The following FBN3 variants were observed in gnomAD, a reference collection of about 807,000 sequenced individuals.
FBN3 encodes the protein fibrillin-3.
Under a neutral mutation model 330.1 loss-of-function variants are expected in FBN3, and 234 were observed. That is an observed-to-expected ratio of 0.71 (90% CI 0.64 to 0.79). The LOEUF is 0.79. FBN3 is among the 30% of genes least tolerant of loss of function. The pLI is 0.00. For synonymous variants in FBN3, 1,458 were observed against 1,517.3 expected (o/e 0.96, Z 0.91); for missense variants, 3,606 against 3,886.9 (o/e 0.93, Z 1.92).
At position 8,087,191 on chromosome 19, in the gene FBN3, C is replaced by A. The variant is rs777815122; in HGVS notation, c.6640G>T (p.Gly2214Cys). 3 of 1,601,740 alleles carry A rather than the reference C, an allele frequency of 1.9e-6. No homozygotes were observed. In the African/African-American group the frequency reaches 4.0e-5, roughly 21 times the overall value. Residue 2214 changes from glycine (G) to cysteine (C), a missense_variant, in exon 54 of 64, where the codon GGT becomes TGT. Coordinates refer to ENST00000600128, the MANE Select transcript of FBN3 (RefSeq NM_032447.5). ...CCCCGGGCGTGGCAGTCCTGCTGACCATCTGCACACTCGTCCACATCTTCG... is the reference window on the plus strand; with the variant it reads ...CCCCGGGCGTGGCAGTCCTGCTGACAATCTGCACACTCGTCCACATCTTCG... Reference protein sequence around the residue: ...MCRDVDECADGQQDCHARGME... With the variant: ...MCRDVDECADCQQDCHARGME...
chr19:8,111,597 C>T (rs368022325), intron 32 of FBN3, 51 bp downstream of exon 32: 64 of 1,397,954 alleles, frequency 4.6e-5, no homozygotes, highest in Non-Finnish European at 6.3e-5. Flanking sequence ...TGAATTCAGC[C>T]CCCGTGGCTG....
At chr19:8,081,990 G>T (rs544775817) in intron 57 of FBN3, among the ~76,000 whole-genome samples, 1 of 150,960 alleles carries the variant, frequency 6.6e-6, no homozygotes, top group East Asian at 2.0e-4. Context: ...TTGAGACGGA[G>T]TCTCGTTTCA....
At chr19:8,092,707 C>CAA (rs33973797) in intron 47 of FBN3, among the ~76,000 whole-genome samples, 17 of 70,158 alleles carry the variant, frequency 2.4e-4, no homozygotes, top group South Asian at 1.9e-3. Flanking sequence ...GAGACTCCAC[C>CAA]AAAAAAAAAA....
In FBN3 at chr19:8,089,630, G is replaced by A. The variant is rs149893915; in HGVS notation, c.6291C>T (p.Asn2097=). 1.5e-4 allele frequency: 247 copies of A among 1,614,190 alleles called. 2 individuals carry two copies. The African/African-American group carries it at 2.7e-3, about 18-fold the overall frequency. Residue 2097 remains asparagine, a synonymous_variant, in exon 51 of 64, where the codon AAC becomes AAT. Transcript: ENST00000600128. The part of the protein sequence containing the change: ...ECAENPGVCT[N]GVCVNTDGSF... ...ATCCATCGGTGTTGACACAGACGCC[G>A]TTAGTGCAGACGCCAGGGTTCTCTG...
Position 8,125,993 on chromosome 19 carries a change from G to T in FBN3, c.2630C>A (p.Pro877Gln). 1 of 1,613,902 alleles carries T rather than the reference G, an allele frequency of 6.2e-7. No individual in the cohort carries two copies. The highest frequency in any genetic ancestry group is 8.5e-7 in the Non-Finnish European group (1 of 1,179,984). Residue 877 changes from proline to glutamine, a missense_variant, in exon 22 of 64, where the codon CCG becomes CAG. By Grantham distance (76) the Pro-to-Gln change is moderately conservative (BLOSUM62 -1). Transcript: ENST00000600128. ...CDDVNECESF[P>Q]GVCPNGRCVN... ...GCAACGCCCGTTGGGACAGACTCCC[G>T]GGAAGGACTCACACTCGTTCACATC...
intron 38 of FBN3, among the ~76,000 whole-genome samples, 161 bp from the exon 39 acceptor site, chr19:8,103,848 T>A (rs1189933813): frequency 6.6e-6 from 1 of 152,076 alleles, no homozygotes; most frequent in Non-Finnish European, 1.5e-5. Flanking sequence ...AAGAAAGCTA[T>A]AATATGGGCT....
At chr19:8,106,293 C>G in intron 37 of FBN3, 60 bp from the exon 38 acceptor site, 1 of 1,592,534 alleles carries the variant, frequency 6.3e-7, no homozygotes, top group Non-Finnish European at 8.6e-7. Flanking sequence ...ACTTAAGGGG[C>G]ACCCACACCA....
chr19:8,122,954 C>T (rs113239052), intron 24 of FBN3, among the ~76,000 whole-genome samples: 61,364 of 151,406 alleles, frequency 0.41, 13,918 homozygotes, highest in African/African-American at 0.61. Flanking sequence ...TGAGCCACCG[C>T]GCCCAGCCCA....
intron 25 of FBN3, among the ~76,000 whole-genome samples, chr19:8,120,661 G>A (rs1376706277): frequency 6.6e-6 from 1 of 152,034 alleles, no homozygotes; most frequent in African/African-American, 2.4e-5. Context: ...AAACTTTATA[G>A]TGACAGGGTC....
intron 16 of FBN3, among the ~76,000 whole-genome samples, chr19:8,130,540 GAGAA>G (rs1305668484): frequency 2.3e-5 from 2 of 87,596 alleles, no homozygotes; most frequent in Non-Finnish European, 4.2e-5. Context: ...AGAAAAGAAA[GAGAA>G]AGAAAGAGAG....
chr19:8,103,953 T>C (rs1023274673), intron 38 of FBN3, among the ~76,000 whole-genome samples: 12 of 151,298 alleles, frequency 7.9e-5, no homozygotes, highest in African/African-American at 2.7e-4. Flanking sequence ...CTGGGCAACA[T>C]AGCAAGACCC....
intron 40 of FBN3, among the ~76,000 whole-genome samples, chr19:8,102,283 C>T (rs754126211): frequency 1.3e-4 from 19 of 151,578 alleles, no homozygotes; most frequent in Non-Finnish European, 1.9e-4. Flanking sequence ...GGCATGATCG[C>T]GGCTCACTGG....
Position 8,131,633 on chromosome 19 carries a change from G to A in FBN3, c.1911C>T (p.Val637=), listed in dbSNP as rs1190890599. 2 of 1,614,226 alleles carry A rather than the reference G, an allele frequency of 1.2e-6. No individual in the cohort carries two copies. The highest frequency in any genetic ancestry group is 1.1e-5 in the South Asian group (1 of 91,080). ...GSCARPFPGT[V]TKSECCCANP... is the part of the protein sequence containing the mutation. Reference sequence around the variant, plus strand: ...TGGCACAGCAGCACTCGGACTTGGTGACAGTGCCAGGGAAGGGGCGGGCAC... The same window carrying A: ...TGGCACAGCAGCACTCGGACTTGGTAACAGTGCCAGGGAAGGGGCGGGCAC... Residue 637 remains valine, a synonymous_variant, in exon 15 of 64, where the codon GTC becomes GTT. Coordinates refer to ENST00000600128, the MANE Select transcript of FBN3 (RefSeq NM_032447.5). This position sits in a 1 kb window ranked among gnomAD's most constrained non-coding sequence, Gnocchi z 4.5.
rs774079397 is a variant in FBN3 at position 8,085,586 on chromosome 19, GA to G, written c.6881-18del. On this transcript the variant is annotated intron_variant, in intron 55 of 63. Transcript: ENST00000600128. The stretch of plus-strand genomic sequence containing the variant: ...GCCGGATGTCTGCAGAGAACAATGG[GA>G]AAGACAACGGTCACTCCAGGAGGCT... 2.0e-6 allele frequency: 3 copies of G among 1,521,634 alleles called. No individual in the cohort carries two copies. The highest frequency in any genetic ancestry group is 2.4e-5 in the East Asian group (1 of 41,478). The allele number at this position is 1,521,634 out of a possible 1,614,324, so 94.3% of individuals were successfully genotyped here. A position where few individuals can be genotyped will look rare whatever the true frequency, so the allele number is the denominator to read the frequency against.
At chr19:8,093,474 A>AAT (rs536945205) in intron 47 of FBN3, among the ~76,000 whole-genome samples, 2,841 of 151,652 alleles carry the variant, frequency 0.019, 41 homozygotes, top group Non-Finnish European at 0.03. Context: ...ATACAAAAAA[A>AAT]TAGCCGGGCA....
rs765549023 is a variant in FBN3 at position 8,126,529 on chromosome 19, C to T, written c.2493G>A (p.Arg831=). The part of the protein sequence containing the change: ...CEVNLQGASL[R]SECCATLGAA... ...CCCCGAGGGTGGCGCAGCACTCAGA[C>T]CGCAGGCTGGCTCCCTGAAGGTTCA... Residue 831 remains arginine, a synonymous_variant, in exon 20 of 64, where the codon CGG becomes CGA. Transcript: ENST00000600128. 3 of 1,613,106 alleles carry T rather than the reference C, an allele frequency of 1.9e-6. No homozygotes were observed. The African/African-American group carries it at 4.0e-5, about 22-fold the overall frequency.
chr19:8,075,346 C>T lies in FBN3; in HGVS notation c.7519G>A (p.Gly2507Ser), dbSNP rs1461425343. The change falls in exon 60 of 64, where the codon GGC becomes AGC. Residue 2507 changes from glycine to serine, a missense_variant. Gly to Ser is a moderately conservative substitution (Grantham distance 56). Coordinates refer to ENST00000600128, the MANE Select transcript of FBN3 (RefSeq NM_032447.5). The stretch of plus-strand genomic sequence containing the variant: ...TGGTGGCATTCACAGCGGAAGCTGC[C>T]CGGGGTGTTGTGGCAGTGCCCGTGG... The part of the protein sequence containing the change: ...GAHGHCHNTP[G>S]SFRCECHQGF... 6 of 1,614,080 alleles carry T rather than the reference C, an allele frequency of 3.7e-6. No homozygotes were observed. The highest frequency in any genetic ancestry group is 5.1e-6 in the Non-Finnish European group (6 of 1,180,048).
intron 41 of FBN3, among the ~76,000 whole-genome samples, chr19:8,099,180 T>G (rs949382685): frequency 6.0e-5 from 9 of 150,758 alleles, no homozygotes; most frequent in African/African-American, 2.2e-4. Context: ...AAAGAAATAT[T>G]CCAGCCATAA....
intron 24 of FBN3, among the ~76,000 whole-genome samples, chr19:8,122,495 T>C (rs1367262807): frequency 1.3e-5 from 2 of 151,896 alleles, no homozygotes; most frequent in African/African-American, 2.4e-5. Context: ...GCCTCCCGAG[T>C]AGCTGGGATT....
Sources: allele counts gnomAD v4.1 joint callset (sites outside exome capture counted in the v4.1 genomes callset), GRCh38; gene constraint gnomAD v4.1.1; non-coding constraint Gnocchi (gnomAD v3.1); transcripts MANE v1.5; gene names NCBI Gene and HGNC (gene_info 2026-07-23, HGNC 2026-07-21).